GTF3C5: variants seen among roughly 807,000 people sequenced by gnomAD.
GTF3C5 encodes general transcription factor 3C polypeptide 5.
In GTF3C5, 47 loss-of-function variants were observed where a neutral mutation model predicts 61.0. The observed-to-expected ratio is 0.77, with a 90% confidence interval of 0.61 to 0.98. GTF3C5 has a LOEUF of 0.98. Ranked by LOEUF, GTF3C5 falls within the 50% of genes least tolerant of loss-of-function variation. GTF3C5 has a pLI of 0.00. For synonymous variants in GTF3C5, 295 were observed against 275.4 expected (o/e 1.07, Z -0.71); for missense variants, 659 against 703.3 (o/e 0.94, Z 0.71).
At chr9:133,053,605 G>T (rs988712741) in intron 5 of GTF3C5, among the ~76,000 whole-genome samples, 5 of 152,140 alleles carry the variant, frequency 3.3e-5, no homozygotes, top group Non-Finnish European at 2.9e-5. Context: ...AAACCCACAG[G>T]AAAGGGTGCT....
intron 10 of GTF3C5, among the ~76,000 whole-genome samples, chr9:133,057,177 C>G (rs1400515755): frequency 2.6e-5 from 4 of 152,222 alleles, no homozygotes; most frequent in Admixed American, 2.6e-4. Flanking sequence ...AGCAGCCTGG[C>G]ACTGCCATCG....
chr9:133,050,769 C>T lies in GTF3C5; in HGVS notation c.573-14C>T, dbSNP rs1336447580. The T allele has an allele frequency of 6.2e-7, 1 of 1,602,338 alleles. No individual in the cohort carries two copies. Among genetic ancestry groups the T allele is most frequent in the Admixed American group, 1.7e-5 (1 of 58,604 alleles). ...CTTGGTGCTCCTGTTCTCACCTGTA[C>T]TCTCTGCCCCCAGGGAAGGCTACAA... On this transcript the variant is annotated splice_polypyrimidine_tract_variant and intron_variant, in intron 3 of 10. Transcript: ENST00000372097.
At position 133,054,772 on chromosome 9, in the gene GTF3C5, G is replaced by T. The variant is rs1384323956; in HGVS notation, c.1130G>T (p.Gly377Val). ...GGCCTGGGCCCGTCGGGGACGAGTG[G>T]TGCTCGGAAACCAGCTTCCAGCAAG... ...KQGLGPSGTS[G>V]ARKPASSKYK... Residue 377 changes from glycine (G) to valine (V), a missense_variant, in exon 8 of 11, where the codon GGT becomes GTT. Gly to Val is a moderately radical substitution (Grantham distance 109). Coordinates refer to ENST00000372097, the MANE Select transcript of GTF3C5 (RefSeq NM_012087.4). 1.3e-6 allele frequency: 2 copies of T among 1,584,028 alleles called. No homozygotes were observed. The highest frequency in any genetic ancestry group is 1.7e-6 in the Non-Finnish European group (2 of 1,165,638).
At chr9:133,040,608 A>G (rs1850009443) in intron 1 of GTF3C5, among the ~76,000 whole-genome samples, 1 of 152,264 alleles carries the variant, frequency 6.6e-6, no homozygotes, top group Non-Finnish European at 1.5e-5. Flanking sequence ...TAGAGGTAAC[A>G]GCAAGTCAGA....
At chr9:133,053,489 G>A (rs1267893552) in intron 5 of GTF3C5, among the ~76,000 whole-genome samples, 2 of 152,320 alleles carry the variant, frequency 1.3e-5, no homozygotes, top group South Asian at 2.1e-4. Context: ...GGAGGCTGAG[G>A]TAGGAGGATC....
chr9:133,041,488 G>A (rs1286779969), intron 1 of GTF3C5, among the ~76,000 whole-genome samples: 1 of 152,204 alleles, frequency 6.6e-6, no homozygotes, highest in African/African-American at 2.4e-5. Context: ...TGCCTCGGCT[G>A]CCAGGCAGGT....
intron 1 of GTF3C5, among the ~76,000 whole-genome samples, chr9:133,032,389 C>A (rs1028854407): frequency 5.3e-5 from 8 of 151,984 alleles, no homozygotes; most frequent in Non-Finnish European, 7.4e-5. Flanking sequence ...GGTGGGAAGA[C>A]TAGTTTCGGC....
chr9:133,043,719 T>C lies in GTF3C5; in HGVS notation c.374-9T>C. On this transcript the variant is annotated splice_polypyrimidine_tract_variant and intron_variant, in intron 2 of 10. Transcript: ENST00000372097. ...TCAATGTCTGCCATCTGCCCACCTC[T>C]CTTTCTAGGGATGTCTGACTTCCAG... 6.2e-7 allele frequency: 1 copy of C among 1,612,984 alleles called. No homozygotes were observed. Among genetic ancestry groups the C allele is most frequent in the Non-Finnish European group, 8.5e-7 (1 of 1,179,056 alleles).
chr9:133,038,420 G>C (rs538281244), intron 1 of GTF3C5, among the ~76,000 whole-genome samples: 14 of 151,984 alleles, frequency 9.2e-5, no homozygotes, highest in Admixed American at 8.5e-4. Context: ...GGGACAGAGG[G>C]GAAGGGACTG....
intron 1 of GTF3C5, among the ~76,000 whole-genome samples, chr9:133,033,111 C>A (rs924967785): frequency 1.3e-5 from 2 of 152,082 alleles, no homozygotes; most frequent in Non-Finnish European, 2.9e-5. Context: ...TGTAACTTAT[C>A]CAATCTACAT....
upstream of GTF3C5, chr9:133,030,748 G>T (rs554732040): frequency 5.1e-6 from 3 of 586,092 alleles, no homozygotes; most frequent in East Asian, 8.9e-5. Context: ...TAGTAGGAGA[G>T]ACTGGTGCTT....
In GTF3C5 at chr9:133,051,856, CT is replaced by C. The variant is rs1201639857; in HGVS notation, c.769-203del. On this transcript the variant is annotated intron_variant, in intron 4 of 10. Coordinates refer to ENST00000372097, the MANE Select transcript of GTF3C5 (RefSeq NM_012087.4). ...GCCCCACAACTGCACTTGGCACAGG[CT>C]GGGCATGCAGCCCAGGCTTCTGAGG... The C allele has an allele frequency of 1.1e-4, 47 of 443,630 alleles. No homozygotes were observed. In the East Asian group the frequency reaches 1.7e-3, roughly 16 times the overall value. 27.5% of individuals were successfully genotyped at this position (443,630 alleles called of 1,614,324 possible).
At position 133,056,900 on chromosome 9, in the gene GTF3C5, A is replaced by G; in HGVS notation, c.1385A>G (p.Lys462Arg). The G allele has an allele frequency of 2.5e-6, 4 of 1,602,660 alleles. No homozygotes were observed. Among genetic ancestry groups the G allele is most frequent in the Non-Finnish European group, 3.4e-6 (4 of 1,174,688 alleles). The change falls in exon 10 of 11, where the codon AAG becomes AGG. Residue 462 changes from lysine (K) to arginine (R), a missense_variant. By Grantham distance (26) the Lys-to-Arg change is conservative. Coordinates refer to ENST00000372097, the MANE Select transcript of GTF3C5 (RefSeq NM_012087.4). ...ATGATCCGGCAGACCATCCGCTCCA[A>G]GAGGCCTGGTAAGAGCCGCTTGGGG... ...SLMIRQTIRSKRPALFSSSAK... is the reference protein window; with the variant it reads ...SLMIRQTIRSRRPALFSSSAK...
rs748116073 is a variant in GTF3C5 at position 133,050,799 on chromosome 9, C to T, written c.589C>T (p.Pro197Ser). ...TGCCCCCAGGGAAGGCTACAACAAT[C>T]CCCCCATCTCAGGTGAGAATCTGAT... ...ETQHREGYNN[P>S]PISGENLIGL... is the part of the protein sequence containing the mutation. Residue 197 changes from proline to serine, a missense_variant, in exon 4 of 11, where the codon CCC (proline) becomes TCC (serine). Transcript: ENST00000372097. 3 of 1,612,262 alleles carry T rather than the reference C, an allele frequency of 1.9e-6. No homozygotes were observed. Among genetic ancestry groups the T allele is most frequent in the Non-Finnish European group, 1.7e-6 (2 of 1,178,740 alleles).
intron 1 of GTF3C5, among the ~76,000 whole-genome samples, chr9:133,036,050 C>T (rs974272497): frequency 6.6e-6 from 1 of 152,180 alleles, no homozygotes. Context: ...GCCTTCCTGA[C>T]CCTCCTTCTG....
At chr9:133,041,978 T>C (rs1588467257) in intron 1 of GTF3C5, 109 bp from the exon 2 acceptor site, 1 of 716,338 alleles carries the variant, frequency 1.4e-6, no homozygotes, top group East Asian at 2.7e-5. Flanking sequence ...AACATGAGCC[T>C]CCTGGCCTTT....
intron 1 of GTF3C5, among the ~76,000 whole-genome samples, chr9:133,039,055 A>T (rs766494396): frequency 1.3e-5 from 2 of 152,102 alleles, no homozygotes; most frequent in Non-Finnish European, 2.9e-5. Context: ...GAACTGTCAG[A>T]GTCTGTATTT....
At chr9:133,055,115 G>C in intron 8 of GTF3C5, 1 of 1,549,814 alleles carries the variant, frequency 6.5e-7, no homozygotes, top group Non-Finnish European at 8.7e-7. Flanking sequence ...ACTGAGCCAC[G>C]TGACCACTCC....
upstream of GTF3C5, chr9:133,030,738 T>C: frequency 1.8e-6 from 1 of 570,488 alleles, no homozygotes; most frequent in Non-Finnish European, 3.2e-6. Context: ...CCTCGCTGGC[T>C]AGTAGGAGAG....
Sources: allele counts gnomAD v4.1 joint callset (sites outside exome capture counted in the v4.1 genomes callset), GRCh38; gene constraint gnomAD v4.1.1; transcripts MANE v1.5; gene names NCBI Gene and HGNC (gene_info 2026-07-23, HGNC 2026-07-21).